Variants in COBL observed in about 807,000 individuals in gnomAD.
COBL encodes protein cordon-bleu.
COBL carries 51 observed loss-of-function variants against 98.8 expected under a neutral mutation model. That is an observed-to-expected ratio of 0.52 (90% CI 0.41 to 0.65). COBL has a LOEUF of 0.65. COBL is among the 30% of genes least tolerant of loss of function. The probability of loss-of-function intolerance (pLI) is 0.00; values close to 1 mark genes in which losing one functional copy is unlikely to be tolerated. For synonymous variants in COBL, 634 were observed against 651.7 expected (o/e 0.97, Z 0.41); for missense variants, 1,617 against 1,617.5 (o/e 1.00, Z 0.01).
At chr7:51,193,860 T>C (rs1790353757) in intron 2 of COBL, among the ~76,000 whole-genome samples, 1 of 152,234 alleles carries the variant, frequency 6.6e-6, no homozygotes, top group Non-Finnish European at 1.5e-5. Flanking sequence ...TCCAAGGGTA[T>C]GTTGAGTTGG....
At chr7:51,103,188 A>T (rs1795961321) in intron 6 of COBL, among the ~76,000 whole-genome samples, 1 of 152,192 alleles carries the variant, frequency 6.6e-6, no homozygotes, top group Non-Finnish European at 1.5e-5. Flanking sequence ...ATCAATGACC[A>T]TGCTTGTTTT....
chr7:51,227,126 G>A (rs368243344), intron 1 of COBL, among the ~76,000 whole-genome samples: 15 of 152,156 alleles, frequency 9.9e-5, no homozygotes, highest in African/African-American at 7.2e-5. Flanking sequence ...CTGCAGTGCC[G>A]GCTGATGAGC....
Position 51,198,799 on chromosome 7 carries a change from C to T in COBL, c.246-5210G>A, listed in dbSNP as rs556609988. Among the ~76,000 whole-genome samples, 3 of 152,294 alleles carry T rather than the reference C, an allele frequency of 2.0e-5. No homozygotes were observed. The South Asian group carries it at 6.2e-4, about 32-fold the overall frequency. ...GAACAGGAAGTCTCTGGCTCATGTA[C>T]CCCAACAGAAAAAAATGATTTGGCA... On this transcript the variant is annotated intron_variant, in intron 2 of 12. Coordinates refer to ENST00000265136, the MANE Select transcript of COBL (RefSeq NM_015198.5).
At chr7:51,054,593 C>T (rs2128901471) in intron 7 of COBL, among the ~76,000 whole-genome samples, 1 of 152,290 alleles carries the variant, frequency 6.6e-6, no homozygotes, top group Middle Eastern at 3.4e-3. Context: ...TGCTGTGGGC[C>T]CCGTTCCTCT....
chr7:51,118,408 C>G (rs1797465589), intron 6 of COBL, among the ~76,000 whole-genome samples: 1 of 152,012 alleles, frequency 6.6e-6, no homozygotes, highest in Non-Finnish European at 1.5e-5. Context: ...TTGAAAATTG[C>G]TTCTCTGGCG....
intron 2 of COBL, among the ~76,000 whole-genome samples, chr7:51,206,487 G>C (rs192736799): frequency 8.7e-6 from 1 of 114,718 alleles, no homozygotes; most frequent in African/African-American, 4.4e-5. Flanking sequence ...GCGAGACTCT[G>C]TCTCAAAAAA....
chr7:51,030,951 T>C, intron 8 of COBL, 42 bp from the exon 9 acceptor site: 1 of 1,302,890 alleles, frequency 7.7e-7, no homozygotes, highest in Non-Finnish European at 1.1e-6. Flanking sequence ...TTTCTCTTAC[T>C]ATTGATTTAA....
At chr7:51,108,566 A>G (rs1311891643) in intron 6 of COBL, among the ~76,000 whole-genome samples, 1 of 152,208 alleles carries the variant, frequency 6.6e-6, no homozygotes, top group African/African-American at 2.4e-5. Flanking sequence ...AGAAATCCTT[A>G]TTCTCATTCC....
intron 6 of COBL, among the ~76,000 whole-genome samples, chr7:51,133,309 A>G (rs1394564937): frequency 6.6e-6 from 1 of 152,234 alleles, no homozygotes; most frequent in East Asian, 1.9e-4. Flanking sequence ...AACTTTATGG[A>G]AAACTGCATA....
intron 1 of COBL, among the ~76,000 whole-genome samples, chr7:51,267,017 C>A (rs764579728): frequency 6.6e-6 from 1 of 152,048 alleles, no homozygotes; most frequent in Non-Finnish European, 1.5e-5. Flanking sequence ...CAGGGCTTTG[C>A]GATAAACCCA....
intron 1 of COBL, among the ~76,000 whole-genome samples, chr7:51,239,519 T>A (rs1351044196): frequency 6.6e-6 from 1 of 152,206 alleles, no homozygotes; most frequent in African/African-American, 2.4e-5. Flanking sequence ...AATCAAGAAA[T>A]AATCATAAAA....
intron 8 of COBL, among the ~76,000 whole-genome samples, chr7:51,040,602 T>G (rs771741714): frequency 6.6e-6 from 1 of 152,168 alleles, no homozygotes; most frequent in Non-Finnish European, 1.5e-5. Context: ...CTGTGTATGA[T>G]CAAAAGGTAA....
At position 51,030,867 on chromosome 7, in the gene COBL, T is replaced by C; in HGVS notation, c.1449A>G (p.Leu483=). 3 of 1,592,340 alleles carry C rather than the reference T, an allele frequency of 1.9e-6. No homozygotes were observed. Among genetic ancestry groups the C allele is most frequent in the Non-Finnish European group, 2.6e-6 (3 of 1,173,802 alleles). The change falls in exon 9 of 13, where the codon CTA becomes CTG. Residue 483 remains leucine (L), a synonymous_variant. Coordinates refer to ENST00000265136, the MANE Select transcript of COBL (RefSeq NM_015198.5). ...AVTASNDEED[L]LIAGEFRKTL... is the part of the protein sequence containing the mutation. ...TTTTACGGAACTCTCCAGCAATTAA[T>C]AGGTCTTCTTCATCATTTGAGGCTG...
At position 51,222,759 on chromosome 7, in the gene COBL, C is replaced by T. The variant is rs541007277; in HGVS notation, c.42-2815G>A. ...TTTTTCATTTTTAGGAAAAGAGTAT[C>T]TTTTCCAATTTAGCTGGCTTGGACT... On this transcript the variant is annotated intron_variant, in intron 1 of 12. Transcript: ENST00000265136. Among the ~76,000 whole-genome samples the T allele has an allele frequency of 2.6e-5, 4 of 151,898 alleles. No homozygotes were observed. The East Asian group carries it at 5.8e-4, about 22-fold the overall frequency.
At chr7:51,124,514 C>A (rs1397447185) in intron 6 of COBL, among the ~76,000 whole-genome samples, 3 of 152,186 alleles carry the variant, frequency 2.0e-5, no homozygotes, top group African/African-American at 4.8e-5. Flanking sequence ...GCCTTTCCAA[C>A]ACTGATGGCT....
At chr7:51,278,737 T>A (rs533749993) in intron 1 of COBL, among the ~76,000 whole-genome samples, 1 of 152,318 alleles carries the variant, frequency 6.6e-6, no homozygotes, top group East Asian at 1.9e-4. Context: ...AGCCCCACCA[T>A]GTGCCCTTCT....
chr7:51,164,129 G>C (rs1438860300), intron 5 of COBL, among the ~76,000 whole-genome samples: 1 of 151,630 alleles, frequency 6.6e-6, no homozygotes, highest in Non-Finnish European at 1.5e-5. Context: ...TCTCTTTTTT[G>C]TCATTCAAGA....
chr7:51,156,344 A>C, intron 5 of COBL: 1 of 985,334 alleles, frequency 1.0e-6, no homozygotes, highest in Non-Finnish European at 1.2e-6. Flanking sequence ...TTATCAAATT[A>C]TCTCAGTTTG....
chr7:51,193,697 G>T, intron 2 of COBL, 108 bp from the exon 3 acceptor site: 1 of 916,734 alleles, frequency 1.1e-6, no homozygotes, highest in Non-Finnish European at 1.7e-6. Flanking sequence ...GAGCAAATTA[G>T]ATATGCTTAT....
Sources: allele counts gnomAD v4.1 joint callset (sites outside exome capture counted in the v4.1 genomes callset), GRCh38; gene constraint gnomAD v4.1.1; transcripts MANE v1.5; gene names NCBI Gene and HGNC (gene_info 2026-07-23, HGNC 2026-07-21).